The following MCC variants were observed in gnomAD, a reference collection of about 807,000 sequenced individuals.
MCC encodes the protein colorectal mutant cancer protein.
In MCC, 90 loss-of-function variants were observed where a neutral mutation model predicts 116.2. The observed-to-expected ratio is 0.77, with a 90% CI of 0.65 to 0.92. The LOEUF (loss-of-function observed/expected upper bound fraction) is 0.92, where lower values mean the gene tolerates loss of function less well. Ranked by LOEUF, MCC falls within the 40% of genes least tolerant of loss-of-function variation. MCC has a pLI of 0.00. For missense variants in MCC, 1,516 were observed against 1,312.2 expected (o/e 1.16, Z -2.40); for synonymous variants, 578 against 510.5 (o/e 1.13, Z -1.78).
chr5:113,030,617 C>T (rs528605619), intron 17 of MCC, among the ~76,000 whole-genome samples: 1 of 152,214 alleles, frequency 6.6e-6, no homozygotes, highest in Admixed American at 6.5e-5. Context: ...GAGGTCAAGA[C>T]CAGTGAGCCA....
intron 14 of MCC, among the ~76,000 whole-genome samples, chr5:113,054,379 T>C (rs114399271): frequency 1.8e-3 from 270 of 152,326 alleles, no homozygotes; most frequent in African/African-American, 5.9e-3. Flanking sequence ...TTTGAGGACA[T>C]AGGTTAAAAG....
At chr5:113,180,823 C>A (rs778040198) in intron 3 of MCC, among the ~76,000 whole-genome samples, 2 of 152,250 alleles carry the variant, frequency 1.3e-5, no homozygotes, top group African/African-American at 2.4e-5. Context: ...TGACTTTCTA[C>A]ATTTTATATA....
chr5:113,055,852 C>T (rs745958113), intron 14 of MCC, among the ~76,000 whole-genome samples: 68 of 152,244 alleles, frequency 4.5e-4, no homozygotes, highest in Non-Finnish European at 9.0e-4. Flanking sequence ...GAGTGAACCT[C>T]GTCTAATCAG....
At chr5:113,421,643 T>C (rs1770339312) in intron 1 of MCC, among the ~76,000 whole-genome samples, 1 of 152,220 alleles carries the variant, frequency 6.6e-6, no homozygotes, top group African/African-American at 2.4e-5. Flanking sequence ...TCTGCAACAG[T>C]AGGAAGGACC....
chr5:113,468,213 A>C (rs1457960764), intron 1 of MCC, among the ~76,000 whole-genome samples: 1 of 152,114 alleles, frequency 6.6e-6, no homozygotes, highest in Non-Finnish European at 1.5e-5. Context: ...AACTTCCAAC[A>C]CTATGTTGAA....
chr5:113,096,315 C>G lies in MCC; in HGVS notation c.1398+5424G>C, dbSNP rs1756012545. The stretch of plus-strand genomic sequence containing the variant: ...TCCCTTCCTTGTCTCCAAGTGCTGA[C>G]CACAATCATAATGTGGGGGAGTGTG... On this transcript the variant is annotated intron_variant, in intron 8 of 18. Coordinates refer to ENST00000408903, the MANE Select transcript of MCC (RefSeq NM_001085377.2). Among the ~76,000 whole-genome samples, 5 of 152,346 alleles carry G rather than the reference C, an allele frequency of 3.3e-5. 1 individual carries two copies. In the South Asian group the frequency reaches 1.0e-3, roughly 32 times the overall value.
intron 14 of MCC, among the ~76,000 whole-genome samples, chr5:113,054,927 C>T (rs1752726401): frequency 6.6e-6 from 1 of 152,186 alleles, no homozygotes; most frequent in Non-Finnish European, 1.5e-5. Flanking sequence ...CCCGTGCCTC[C>T]GAATAAGGCC....
chr5:113,070,182 T>C (rs1429290604), intron 12 of MCC, among the ~76,000 whole-genome samples: 1 of 152,254 alleles, frequency 6.6e-6, no homozygotes, highest in Non-Finnish European at 1.5e-5. Context: ...TTTGCTTTGA[T>C]AATTTCCTGA....
intron 5 of MCC, among the ~76,000 whole-genome samples, chr5:113,134,602 T>C (rs1174331562): frequency 8.4e-6 from 1 of 118,388 alleles, no homozygotes; most frequent in Non-Finnish European, 1.9e-5. Context: ...CATTGTAGGA[T>C]TTTTTTTTTC....
chr5:113,416,069 A>G (rs1360041677), intron 1 of MCC, among the ~76,000 whole-genome samples: 3 of 152,166 alleles, frequency 2.0e-5, no homozygotes, highest in Non-Finnish European at 4.4e-5. Context: ...GGTCTACTCC[A>G]GACCCTGTTT....
chr5:113,136,297 G>C lies in MCC; in HGVS notation c.884+6921C>G, dbSNP rs914572803. Among the ~76,000 whole-genome samples the C allele has an allele frequency of 2.6e-5, 4 of 152,104 alleles. No homozygotes were observed. In the South Asian group the frequency reaches 8.3e-4, roughly 31 times the overall value. On this transcript the variant is annotated intron_variant, in intron 5 of 18. Coordinates refer to ENST00000408903, the MANE Select transcript of MCC (RefSeq NM_001085377.2). The stretch of plus-strand genomic sequence containing the variant: ...GTAATCAACAATCTCTACTCCTGAA[G>C]AAGTCTGCTTTTAGACCTAGTGATG...
intron 1 of MCC, among the ~76,000 whole-genome samples, chr5:113,424,618 C>T (rs1770435560): frequency 6.6e-6 from 1 of 152,056 alleles, no homozygotes. Flanking sequence ...GGAGGCTAGG[C>T]AGGAGAATTC....
In MCC at chr5:113,081,805, G is replaced by A. The variant is rs113475881; in HGVS notation, c.1784+1055C>T. Among the ~76,000 whole-genome samples, 234 of 152,254 alleles carry A rather than the reference G, an allele frequency of 1.5e-3. 3 individuals carry two copies. Among genetic ancestry groups the A allele is most frequent in the African/African-American group, 5.4e-3 (223 of 41,556 alleles). Reference sequence around the variant, plus strand: ...CAATTTACCTTAGTTCTCAAGAACTGTATTAAACAGCTTCAATCAGGCAGG... The same window carrying A: ...CAATTTACCTTAGTTCTCAAGAACTATATTAAACAGCTTCAATCAGGCAGG... On this transcript the variant is annotated intron_variant, in intron 11 of 18. Coordinates refer to ENST00000408903, the MANE Select transcript of MCC (RefSeq NM_001085377.2).
chr5:113,401,169 TTTTTA>T (rs1378944788), intron 1 of MCC, among the ~76,000 whole-genome samples: 16 of 152,198 alleles, frequency 1.1e-4, no homozygotes, highest in Non-Finnish European at 2.4e-4. Flanking sequence ...CAGGTCACAC[TTTTTA>T]TGGGAAAATT....
At chr5:113,189,113 C>G (rs1762033976) in intron 3 of MCC, among the ~76,000 whole-genome samples, 1 of 152,184 alleles carries the variant, frequency 6.6e-6, no homozygotes, top group African/African-American at 2.4e-5. Flanking sequence ...CCGAGACAAC[C>G]TCAGACTTGC....
At chr5:113,333,922 ATATC>A (rs1406235326) in intron 3 of MCC, among the ~76,000 whole-genome samples, 40 of 44,974 alleles carry the variant, frequency 8.9e-4, no homozygotes, top group South Asian at 4.4e-3. Context: ...ATAAATTTAT[ATATC>A]TATTTGAGGG....
At position 113,085,306 on chromosome 5, in the gene MCC, C is replaced by G. The variant is rs1561794824; in HGVS notation, c.1403G>C (p.Arg468Thr). 1 of 1,610,040 alleles carries G rather than the reference C, an allele frequency of 6.2e-7. No homozygotes were observed. The highest frequency in any genetic ancestry group is 8.5e-7 in the Non-Finnish European group (1 of 1,177,190). The change falls in exon 9 of 19, where the codon AGA (arginine) becomes ACA (threonine). Residue 468 changes from arginine (R) to threonine (T), a missense_variant. Coordinates refer to ENST00000408903, the MANE Select transcript of MCC (RefSeq NM_001085377.2). Reference sequence around the variant, plus strand: ...GCTCTGTAGTCGAGTTTGAAGCTCTCTGACCTGAAATCATAATGCTTTTAG... The same window carrying G: ...GCTCTGTAGTCGAGTTTGAAGCTCTGTGACCTGAAATCATAATGCTTTTAG... ...EERDRLRRRVRELQTRLQSVQ... is the reference protein window; with the variant it reads ...EERDRLRRRVTELQTRLQSVQ...
chr5:113,050,799 G>A (rs1273198918), intron 15 of MCC, among the ~76,000 whole-genome samples: 2 of 152,234 alleles, frequency 1.3e-5, no homozygotes, highest in East Asian at 3.8e-4. Context: ...GGCAAGGAGG[G>A]CAGGTGCTGG....
chr5:113,169,171 A>C (rs950902607), intron 3 of MCC, among the ~76,000 whole-genome samples: 1 of 152,120 alleles, frequency 6.6e-6, no homozygotes, highest in African/African-American at 2.4e-5. Context: ...TTTTATAGGT[A>C]AGATGGGAGG....
Sources: allele counts gnomAD v4.1 joint callset (sites outside exome capture counted in the v4.1 genomes callset), GRCh38; gene constraint gnomAD v4.1.1; transcripts MANE v1.5; gene names NCBI Gene and HGNC (gene_info 2026-07-23, HGNC 2026-07-21).